CALN1: variants seen among roughly 807,000 people sequenced by gnomAD.
The protein encoded by CALN1 is calcium-binding protein 8.
Under a neutral mutation model 30.6 loss-of-function variants are expected in CALN1, and 17 were observed. The observed-to-expected ratio is 0.56, with a 90% confidence interval of 0.38 to 0.83. CALN1 has a LOEUF of 0.83. Ranked by LOEUF, CALN1 falls within the 40% of genes least tolerant of loss-of-function variation. CALN1 has a pLI of 0.00. For synonymous variants in CALN1, 156 were observed against 131.4 expected (o/e 1.19, Z -1.28); for missense variants, 291 against 354.9 (o/e 0.82, Z 1.45).
intron 4 of CALN1, among the ~76,000 whole-genome samples, chr7:72,076,866 C>A (rs1804780166): frequency 6.6e-6 from 1 of 152,110 alleles, no homozygotes; most frequent in African/African-American, 2.4e-5. Flanking sequence ...GTTGAAAACA[C>A]ATCGTTCTAA....
At chr7:71,814,883 G>A (rs1302351406) in intron 5 of CALN1, among the ~76,000 whole-genome samples, 1 of 150,914 alleles carries the variant, frequency 6.6e-6, no homozygotes, top group Non-Finnish European at 1.5e-5. Context: ...CCCCACCCTG[G>A]AGTGCAGTGA....
At chr7:72,008,949 C>A (rs955528253) in intron 5 of CALN1, among the ~76,000 whole-genome samples, 8 of 152,120 alleles carry the variant, frequency 5.3e-5, no homozygotes, top group South Asian at 4.1e-4. Context: ...AGCCACTGTG[C>A]CCGGCCTCAA....
intron 5 of CALN1, among the ~76,000 whole-genome samples, chr7:71,958,543 G>C (rs1384991565): frequency 6.6e-6 from 1 of 152,130 alleles, no homozygotes; most frequent in Non-Finnish European, 1.5e-5. Flanking sequence ...ACAGTTCCTG[G>C]GAGAAGGGGA....
chr7:72,387,258 A>AGGAAGGGAGGGAGGGAGGG (rs1805274811), intron 2 of CALN1, among the ~76,000 whole-genome samples: 1 of 26,224 alleles, frequency 3.8e-5, no homozygotes, highest in African/African-American at 1.5e-4. Context: ...GGGAGGGAGG[A>AGGAAGGGAGGGAGGGAGGG]AGGGAGGAAG....
At chr7:72,129,109 AAC>A (rs1808966124) in intron 3 of CALN1, among the ~76,000 whole-genome samples, 1 of 152,202 alleles carries the variant, frequency 6.6e-6, no homozygotes, top group African/African-American at 2.4e-5. Context: ...ATGGCTTTTA[AAC>A]ATATAACACC....
intron 3 of CALN1, among the ~76,000 whole-genome samples, chr7:72,157,763 G>A (rs1241035768): frequency 6.6e-6 from 1 of 152,080 alleles, no homozygotes; most frequent in Non-Finnish European, 1.5e-5. Flanking sequence ...GTTTGTTTTT[G>A]AAAGAGTTTT....
In CALN1 at chr7:72,412,333, A is replaced by T. The variant is rs1562959243; in HGVS notation, c.-349T>A. 2 of 151,972 alleles carry T rather than the reference A, an allele frequency of 1.3e-5. No homozygotes were observed. Among genetic ancestry groups the T allele is most frequent in the African/African-American group, 4.8e-5 (2 of 41,264 alleles). The allele number at this position is 151,972 out of a possible 1,614,324, so 9.4% of individuals were successfully genotyped here. A position where few individuals can be genotyped will look rare whatever the true frequency, so the allele number is the denominator to read the frequency against. Reference sequence around the variant, plus strand: ...AACTCAAGCGGATAGCACCCCAGCGAGCTTCCCCAGCGGGCTCGGGGAGCC... The same window carrying T: ...AACTCAAGCGGATAGCACCCCAGCGTGCTTCCCCAGCGGGCTCGGGGAGCC... On this transcript the variant is annotated 5_prime_UTR_variant, in exon 1 of 7. Transcript: ENST00000395275.
At chr7:71,881,652 T>A (rs1234624719) in intron 5 of CALN1, among the ~76,000 whole-genome samples, 1 of 152,162 alleles carries the variant, frequency 6.6e-6, no homozygotes, top group Non-Finnish European at 1.5e-5. Flanking sequence ...CAGCCTTACC[T>A]AGGGTAAGGC....
intron 5 of CALN1, among the ~76,000 whole-genome samples, chr7:71,974,015 C>G (rs1797978634): frequency 6.6e-6 from 1 of 152,172 alleles, no homozygotes; most frequent in South Asian, 2.1e-4. Flanking sequence ...TGAGGTATCT[C>G]TAAGTAGTCC....
chr7:72,058,984 G>C (rs1181863121), intron 4 of CALN1, among the ~76,000 whole-genome samples: 2 of 152,124 alleles, frequency 1.3e-5, no homozygotes, highest in Non-Finnish European at 2.9e-5. Context: ...TTTAAACTTG[G>C]ACTTAAACCT....
chr7:71,981,481 T>C (rs925651805), intron 5 of CALN1, among the ~76,000 whole-genome samples: 1 of 152,022 alleles, frequency 6.6e-6, no homozygotes, highest in South Asian at 2.1e-4. Context: ...GAGACCAGCA[T>C]GGTGAAACTC....
intron 4 of CALN1, among the ~76,000 whole-genome samples, chr7:72,033,201 G>C (rs779796531): frequency 1.3e-5 from 2 of 152,142 alleles, no homozygotes; most frequent in African/African-American, 2.4e-5. Flanking sequence ...AACTAGGGCA[G>C]GAAGCTGCAG....
intron 5 of CALN1, among the ~76,000 whole-genome samples, chr7:71,920,766 G>A (rs1265021623): frequency 6.6e-6 from 1 of 152,062 alleles, no homozygotes; most frequent in Admixed American, 6.6e-5. Flanking sequence ...TTCATTATTA[G>A]TGGCAAACAT....
rs540626248 is a variant in CALN1, at chr7:72,082,901, G to C, written c.388+23250C>G. ...TATCTGGCATTCAATCAGGAATTAT[G>C]AGAAGATGCAAGAAAGCAGGCCAGG... On this transcript the variant is annotated intron_variant, in intron 4 of 6. Coordinates refer to ENST00000395275, the MANE Select transcript of CALN1 (RefSeq NM_031468.4). Among the ~76,000 whole-genome samples the C allele has an allele frequency of 3.3e-5, 5 of 152,266 alleles. No individual in the cohort carries two copies. In the South Asian group the frequency reaches 1.0e-3, roughly 32 times the overall value.
chr7:72,032,258 T>C (rs556109613), intron 4 of CALN1, among the ~76,000 whole-genome samples: 11 of 151,352 alleles, frequency 7.3e-5, no homozygotes, highest in East Asian at 1.9e-4. Context: ...TGGGGTTTCA[T>C]CGTGGTCTCG....
chr7:72,076,068 T>C (rs754042239), intron 4 of CALN1, among the ~76,000 whole-genome samples: 1 of 152,088 alleles, frequency 6.6e-6, no homozygotes, highest in Non-Finnish European at 1.5e-5. Flanking sequence ...AGCTCTGTCC[T>C]AGGCTAATAG....
chr7:72,436,027 G>A (rs901048447), intron 1 of CALN1, among the ~76,000 whole-genome samples: 7 of 152,204 alleles, frequency 4.6e-5, no homozygotes, highest in African/African-American at 1.7e-4. Context: ...ATGCCCCCCA[G>A]CCTGGGTCTA....
chr7:71,817,660 C>T (rs374301155), intron 5 of CALN1, among the ~76,000 whole-genome samples: 2 of 151,928 alleles, frequency 1.3e-5, no homozygotes, highest in African/African-American at 2.4e-5. Flanking sequence ...GGATTACAGG[C>T]GCCCACCACC....
chr7:72,417,497 C>T (rs894985299), intron 1 of CALN1, among the ~76,000 whole-genome samples: 2 of 152,198 alleles, frequency 1.3e-5, no homozygotes, highest in African/African-American at 2.4e-5. Context: ...TCCCCGCTAC[C>T]GTGGGCACTT....
Sources: allele counts gnomAD v4.1 joint callset (sites outside exome capture counted in the v4.1 genomes callset), GRCh38; gene constraint gnomAD v4.1.1; transcripts MANE v1.5; gene names NCBI Gene and HGNC (gene_info 2026-07-23, HGNC 2026-07-21).